The following SLC35D4 variants were observed in gnomAD, a reference collection of about 807,000 sequenced individuals.
SLC35D4 encodes the protein solute carrier family 35 member D4, also known as UDP-N-acetylglucosamine transporter SLC35D4.
chr18:23,325,279 C>T, the SLC35D4 span, among the ~76,000 whole-genome samples: 1 of 151,906 alleles, frequency 6.6e-6, no homozygotes, highest in African/African-American at 2.4e-5. Flanking sequence ...TATTCATTTC[C>T]GGACTTGTCC....
chr18:23,417,319 T>C, the SLC35D4 span, among the ~76,000 whole-genome samples: 1 of 151,986 alleles, frequency 6.6e-6, no homozygotes, highest in Non-Finnish European at 1.5e-5. Flanking sequence ...GATGAGTACA[T>C]GTAGACATTG....
chr18:23,275,976 G>C, the SLC35D4 span, among the ~76,000 whole-genome samples: 9 of 152,286 alleles, frequency 5.9e-5, no homozygotes, highest in African/African-American at 1.7e-4. Flanking sequence ...AGTGGGCTGG[G>C]GTTTCTGTTA....
chr18:23,336,227 G>C, the SLC35D4 span, among the ~76,000 whole-genome samples: 1 of 152,144 alleles, frequency 6.6e-6, no homozygotes, highest in Non-Finnish European at 1.5e-5. Flanking sequence ...GGAAAACCTT[G>C]TTCATAAACA....
the SLC35D4 span, among the ~76,000 whole-genome samples, chr18:23,390,113 A>G: frequency 6.6e-6 from 1 of 152,244 alleles, no homozygotes; most frequent in African/African-American, 2.4e-5. Context: ...TTTAAACTTC[A>G]TAATAACCCT....
chr18:23,313,460 G>A, the SLC35D4 span, among the ~76,000 whole-genome samples: 9 of 152,196 alleles, frequency 5.9e-5, no homozygotes, highest in Non-Finnish European at 1.0e-4. Flanking sequence ...GCACTGGTGT[G>A]AGTGTGTGAC....
At chr18:23,384,002 G>GGT in the SLC35D4 span, among the ~76,000 whole-genome samples, 1 of 15,972 alleles carries the variant, frequency 6.3e-5, no homozygotes, top group Non-Finnish European at 1.4e-4. Flanking sequence ...TCCAAAAATT[G>GGT]GGGGGGGGGG....
At chr18:23,377,664 G>A in the SLC35D4 span, 1 of 1,576,188 alleles carries the variant, frequency 6.3e-7, no homozygotes, top group Non-Finnish European at 8.6e-7. Context: ...CTTTGCAGGA[G>A]ATGTTTTCTG....
chr18:23,317,420 C>A, the SLC35D4 span, among the ~76,000 whole-genome samples: 1 of 152,168 alleles, frequency 6.6e-6, no homozygotes, highest in Non-Finnish European at 1.5e-5. Flanking sequence ...ATCATGATCA[C>A]TATCTCGATC....
chr18:23,342,529 A>G, the SLC35D4 span, among the ~76,000 whole-genome samples: 2 of 152,186 alleles, frequency 1.3e-5, no homozygotes, highest in African/African-American at 4.8e-5. Context: ...TAATGCTAAT[A>G]TGAACACTCA....
chr18:23,433,058 ACT>A, the SLC35D4 span, among the ~76,000 whole-genome samples: 1 of 107,678 alleles, frequency 9.3e-6, no homozygotes, highest in Non-Finnish European at 2.1e-5. Flanking sequence ...TCCACTTGTA[ACT>A]CTTTTCTTTT....
At chr18:23,364,532 G>A in the SLC35D4 span, among the ~76,000 whole-genome samples, 21 of 152,152 alleles carry the variant, frequency 1.4e-4, no homozygotes, top group Non-Finnish European at 1.5e-5. Context: ...AAAAAACTGT[G>A]ATGGAATAGG....
At chr18:23,309,887 C>A in the SLC35D4 span, 2 of 783,560 alleles carry the variant, frequency 2.6e-6, no homozygotes, top group Non-Finnish European at 4.3e-6. Flanking sequence ...TCCTTTTCCC[C>A]ACACGCTTCC....
chr18:23,365,899 T>C, the SLC35D4 span, among the ~76,000 whole-genome samples: 1 of 152,230 alleles, frequency 6.6e-6, no homozygotes, highest in East Asian at 1.9e-4. Flanking sequence ...TATGAATCCA[T>C]GTCTCAACCT....
chr18:23,270,275 G>A, the SLC35D4 span, among the ~76,000 whole-genome samples: 2 of 152,352 alleles, frequency 1.3e-5, no homozygotes, highest in African/African-American at 4.8e-5. Flanking sequence ...GCTTACACAT[G>A]GCATTGGGTC....
chr18:23,333,864 G>A, the SLC35D4 span, among the ~76,000 whole-genome samples: 1 of 152,154 alleles, frequency 6.6e-6, no homozygotes, highest in African/African-American at 2.4e-5. Flanking sequence ...CCTGAGACTT[G>A]AAAATAATGG....
the SLC35D4 span, among the ~76,000 whole-genome samples, chr18:23,354,779 C>T: frequency 1.3e-5 from 2 of 152,214 alleles, no homozygotes; most frequent in African/African-American, 4.8e-5. Flanking sequence ...AGGATAAGCT[C>T]GTGCAGGTTT....
the SLC35D4 span, among the ~76,000 whole-genome samples, chr18:23,240,304 G>C: frequency 6.6e-6 from 1 of 152,174 alleles, no homozygotes; most frequent in Non-Finnish European, 1.5e-5. Flanking sequence ...TAGGAAGGGG[G>C]TTGGTTTTGC....
chr18:23,437,180 C>G, the SLC35D4 span, among the ~76,000 whole-genome samples: 1 of 152,372 alleles, frequency 6.6e-6, no homozygotes, highest in Non-Finnish European at 1.5e-5. Flanking sequence ...CACTGCTTCT[C>G]TGCCTCCTCA....
the SLC35D4 span, among the ~76,000 whole-genome samples, chr18:23,358,800 C>T: frequency 2.2e-4 from 34 of 152,306 alleles, no homozygotes; most frequent in African/African-American, 7.5e-4. Context: ...TTCTAGTTTC[C>T]AGCTGGCTCT....
Sources: allele counts gnomAD v4.1 joint callset (sites outside exome capture counted in the v4.1 genomes callset), GRCh38; gene constraint gnomAD v4.1.1; transcripts MANE v1.5; gene names NCBI Gene and HGNC (gene_info 2026-07-23, HGNC 2026-07-21).